The following CABLES1 variants were observed in gnomAD, a reference collection of about 807,000 sequenced individuals.
The protein encoded by CABLES1 is CDK5 and ABL1 enzyme substrate 1.
CABLES1 carries 36 observed loss-of-function variants against 57.8 expected under a neutral mutation model. That is an observed-to-expected ratio of 0.62 (90% confidence interval 0.48 to 0.82). The LOEUF is 0.82. Among genes scored for constraint, CABLES1 ranks in the 40% least tolerant of loss-of-function variants. CABLES1 has a pLI of 0.00. For synonymous variants in CABLES1, 374 were observed against 363.0 expected (o/e 1.03, Z -0.35); for missense variants, 767 against 836.6 (o/e 0.92, Z 1.03).
chr18:23,253,774 TGAG>T lies in CABLES1; in HGVS notation c.1603_1605del (p.Glu535del), dbSNP rs776283750. 2 of 1,614,178 alleles carry T rather than the reference TGAG, an allele frequency of 1.2e-6. No homozygotes were observed. The highest frequency in any genetic ancestry group is 1.1e-5 in the South Asian group (1 of 91,082). On this transcript the variant is annotated inframe_deletion, in exon 9 of 10. Coordinates refer to ENST00000256925, the MANE Select transcript of CABLES1 (RefSeq NM_001100619.3). ...AGCTTGCGCAGGAGGACTGTGGCCT[TGAG>T]GAGCCCACGGTGGCCATGGCCTTCG...
At chr18:23,152,879 A>G (rs548072767) in intron 1 of CABLES1, among the ~76,000 whole-genome samples, 2 of 143,936 alleles carry the variant, frequency 1.4e-5, no homozygotes, top group African/African-American at 5.2e-5. Context: ...TTGGCTCACT[A>G]CAACCTCCAC....
intron 4 of CABLES1, among the ~76,000 whole-genome samples, chr18:23,215,742 CT>C (rs1226639697): frequency 2.0e-5 from 3 of 151,304 alleles, no homozygotes; most frequent in East Asian, 3.9e-4. Flanking sequence ...TTAACTACAA[CT>C]TTTTTTTTCT....
chr18:23,250,116 G>A (rs2048001532), intron 7 of CABLES1, among the ~76,000 whole-genome samples: 1 of 152,206 alleles, frequency 6.6e-6, no homozygotes, highest in Non-Finnish European at 1.5e-5. Flanking sequence ...TTGCTGCGAG[G>A]AGAGATCCAG....
At position 23,136,251 on chromosome 18, in the gene CABLES1, G is replaced by A; in HGVS notation, c.489G>A (p.Ala163=). ...GHATVSGPGV[A]RGFASPLGAG... Reference sequence around the variant, plus strand: ...CGACCGTGTCCGGCCCCGGGGTGGCGCGGGGGTTCGCGAGTCCCCTGGGCG... The same window carrying A: ...CGACCGTGTCCGGCCCCGGGGTGGCACGGGGGTTCGCGAGTCCCCTGGGCG... Residue 163 remains alanine, a synonymous_variant, in exon 1 of 10, where the codon GCG becomes GCA. Transcript: ENST00000256925. The A allele has an allele frequency of 7.6e-7, 1 of 1,316,386 alleles. No homozygotes were observed. Among genetic ancestry groups the A allele is most frequent in the Non-Finnish European group, 9.6e-7 (1 of 1,038,968 alleles). The allele number at this position is 1,316,386 out of a possible 1,614,324, so 81.5% of individuals were successfully genotyped here.
intron 7 of CABLES1, among the ~76,000 whole-genome samples, chr18:23,249,412 C>G (rs566372219): frequency 2.0e-5 from 3 of 152,240 alleles, no homozygotes; most frequent in African/African-American, 7.2e-5. Context: ...TGGGCAATAG[C>G]CAGACAAGGA....
At chr18:23,227,485 A>G (rs557950181) in intron 4 of CABLES1, among the ~76,000 whole-genome samples, 1 of 152,338 alleles carries the variant, frequency 6.6e-6, no homozygotes, top group East Asian at 1.9e-4. Context: ...GGGATGGCTT[A>G]TGGCTTATCG....
intron 1 of CABLES1, chr18:23,155,998 GTTT>G (rs777976511): frequency 6.2e-7 from 1 of 1,610,422 alleles, no homozygotes; most frequent in Non-Finnish European, 8.5e-7. Context: ...AGCTGAGTCT[GTTT>G]TTTTGGCTCC....
chr18:23,140,366 A>G (rs1000548995), intron 1 of CABLES1, among the ~76,000 whole-genome samples: 6 of 151,972 alleles, frequency 3.9e-5, no homozygotes, highest in Non-Finnish European at 1.5e-5. Flanking sequence ...AGTTGAGCCC[A>G]GGTGAACCAC....
At chr18:23,234,799 G>A in intron 5 of CABLES1, 95 bp downstream of exon 5, 1 of 1,008,470 alleles carries the variant, frequency 9.9e-7, no homozygotes, top group South Asian at 1.4e-5. Flanking sequence ...CTCTTGAGGT[G>A]GAGGACTCGA....
At chr18:23,197,713 C>G (rs1259307952) in intron 3 of CABLES1, 2 of 152,106 alleles carry the variant, frequency 1.3e-5, no homozygotes, top group Non-Finnish European at 2.9e-5. Context: ...GGATGCTGCT[C>G]TCAGCAACAA....
chr18:23,217,530 C>T lies in CABLES1; in HGVS notation c.1088+3476C>T, dbSNP rs2047451125. On this transcript the variant is annotated intron_variant, in intron 4 of 9. Transcript: ENST00000256925. ...AATTCCAAATATTGTGATGTAGCAG[C>T]AGGATTAAGAAGCAGAATGCTTTTT... Among the ~76,000 whole-genome samples the T allele has an allele frequency of 2.6e-5, 4 of 152,202 alleles. No individual in the cohort carries two copies. The South Asian group carries it at 8.3e-4, about 31-fold the overall frequency.
intron 1 of CABLES1, among the ~76,000 whole-genome samples, chr18:23,184,517 A>G (rs2047189115): frequency 6.6e-6 from 1 of 152,176 alleles, no homozygotes; most frequent in Middle Eastern, 3.2e-3. Context: ...TGCCTGGCCA[A>G]TGTGGCGAAA....
chr18:23,191,080 C>CAAAAAAAA, intron 2 of CABLES1, among the ~76,000 whole-genome samples: 1 of 63,594 alleles, frequency 1.6e-5, no homozygotes, highest in Admixed American at 1.5e-4. Flanking sequence ...CCCATCTCTA[C>CAAAAAAAA]AAAAAAAAAA....
At chr18:23,207,958 T>G (rs6507534) in intron 3 of CABLES1, among the ~76,000 whole-genome samples, 8,132 of 152,188 alleles carry the variant, frequency 0.053, 722 homozygotes, top group East Asian at 0.4. Flanking sequence ...CTCAGATGCA[T>G]CAGACCATTT....
chr18:23,148,413 G>A (rs1177417385), intron 1 of CABLES1, among the ~76,000 whole-genome samples: 1 of 152,112 alleles, frequency 6.6e-6, no homozygotes, highest in African/African-American at 2.4e-5. Context: ...TTTCAGCCCC[G>A]TTTCCCCTCT....
intron 1 of CABLES1, among the ~76,000 whole-genome samples, chr18:23,169,173 A>G (rs972360174): frequency 5.9e-5 from 9 of 152,204 alleles, no homozygotes; most frequent in Non-Finnish European, 1.3e-4. Context: ...AAGTTACCCT[A>G]TATGGTCTAA....
intron 4 of CABLES1, among the ~76,000 whole-genome samples, chr18:23,226,338 G>A (rs1483451146): frequency 6.6e-6 from 1 of 151,562 alleles, no homozygotes; most frequent in Admixed American, 6.6e-5. Flanking sequence ...AGAAGTGGAG[G>A]TTGCAGTGAG....
intron 1 of CABLES1, among the ~76,000 whole-genome samples, chr18:23,175,875 CAAAG>C (rs2047119577): frequency 6.6e-6 from 1 of 151,858 alleles, no homozygotes; most frequent in African/African-American, 2.4e-5. Flanking sequence ...GAAGGGGTTT[CAAAG>C]AAAGAAAGAC....
At chr18:23,166,224 A>C (rs1466711195) in intron 1 of CABLES1, among the ~76,000 whole-genome samples, 2 of 150,230 alleles carry the variant, frequency 1.3e-5, no homozygotes, top group African/African-American at 4.9e-5. Context: ...TTTTTGAGAC[A>C]GAGTTTCACT....
Sources: gnomAD v4.1 joint callset for allele counts (sites outside exome capture counted in the v4.1 genomes callset) on GRCh38, gnomAD v4.1.1 for gene constraint, MANE v1.5 for transcripts, NCBI Gene and HGNC (gene_info 2026-07-23, HGNC 2026-07-21) for gene names.